The following CACNA1E variants were observed in gnomAD, a reference collection of about 807,000 sequenced individuals.
The protein encoded by CACNA1E is voltage-dependent R-type calcium channel subunit alpha-1E.
Under a neutral mutation model 259.2 loss-of-function variants are expected in CACNA1E, and 40 were observed. The observed-to-expected ratio is 0.15, with a 90% CI of 0.12 to 0.20. CACNA1E has a LOEUF of 0.20. CACNA1E is among the 10% of genes least tolerant of loss of function. CACNA1E has a pLI of 1.00. For missense variants in CACNA1E, 1,874 were observed against 3,040.1 expected, an observed-to-expected ratio of 0.62 and a Z score of 9.02; for synonymous variants, 1,104 against 1,138.5, an observed-to-expected ratio of 0.97 and a Z score of 0.61.
At chr1:181,595,475 A>G (rs1226337022) in intron 6 of CACNA1E, among the ~76,000 whole-genome samples, 1 of 152,158 alleles carries the variant, frequency 6.6e-6, no homozygotes, top group East Asian at 1.9e-4. Flanking sequence ...AGGCTGCCAC[A>G]TCTCTGTCAC....
chr1:181,600,735 G>A (rs1360893311), intron 6 of CACNA1E, among the ~76,000 whole-genome samples: 2 of 152,198 alleles, frequency 1.3e-5, no homozygotes, highest in Admixed American at 6.5e-5. Context: ...CCTAATTGAT[G>A]TCTATGAGAT....
chr1:181,426,406 C>T (rs1659204619), intron 2 of CACNA1E, among the ~76,000 whole-genome samples: 2 of 150,764 alleles, frequency 1.3e-5, no homozygotes, highest in Non-Finnish European at 3.0e-5. Context: ...CCATCTCAGC[C>T]ACTTCACAAC....
At chr1:181,663,036 A>AC (rs1647844739) in intron 7 of CACNA1E, among the ~76,000 whole-genome samples, 1 of 152,064 alleles carries the variant, frequency 6.6e-6, no homozygotes, top group East Asian at 1.9e-4. Context: ...CCAGGTCTAT[A>AC]CCCCCCAATC....
At chr1:181,596,042 T>G (rs539447500) in intron 6 of CACNA1E, among the ~76,000 whole-genome samples, 1 of 152,310 alleles carries the variant, frequency 6.6e-6, no homozygotes, top group Non-Finnish European at 1.5e-5. Context: ...TTATTTAAAC[T>G]GGATCTTGGG....
chr1:181,321,538 G>A (rs923629142), intron 1 of CACNA1E, among the ~76,000 whole-genome samples: 2 of 152,182 alleles, frequency 1.3e-5, no homozygotes, highest in African/African-American at 4.8e-5. Context: ...CTCACTCCTT[G>A]GCTTCCCCAG....
At chr1:181,572,150 C>A (rs1650477092) in intron 3 of CACNA1E, among the ~76,000 whole-genome samples, 1 of 152,046 alleles carries the variant, frequency 6.6e-6, no homozygotes, top group African/African-American at 2.4e-5. Flanking sequence ...AGTGAATGTG[C>A]CTGTGAAAAG....
At chr1:181,473,108 T>C (rs923360647) in intron 2 of CACNA1E, among the ~76,000 whole-genome samples, 2 of 152,242 alleles carry the variant, frequency 1.3e-5, no homozygotes, top group South Asian at 4.1e-4. Context: ...TTTGATTTGC[T>C]GAACACCGCA....
chr1:181,556,794 G>A (rs1648770189), intron 3 of CACNA1E, among the ~76,000 whole-genome samples: 1 of 152,334 alleles, frequency 6.6e-6, no homozygotes, highest in Non-Finnish European at 1.5e-5. Flanking sequence ...TTTCTCAACA[G>A]AGTGAAGATC....
chr1:181,562,414 C>A (rs115740076), intron 3 of CACNA1E, among the ~76,000 whole-genome samples: 128 of 152,178 alleles, frequency 8.4e-4, no homozygotes, highest in African/African-American at 3.0e-3. Flanking sequence ...ATTAAACAGT[C>A]TGTGTTTCTT....
At chr1:181,662,195 G>C (rs904821928) in intron 7 of CACNA1E, among the ~76,000 whole-genome samples, 1 of 152,206 alleles carries the variant, frequency 6.6e-6, no homozygotes, top group East Asian at 1.9e-4. Context: ...ACACTGCTTA[G>C]TGTATCAGTT....
intron 25 of CACNA1E, among the ~76,000 whole-genome samples, chr1:181,742,771 T>G (rs906144289): frequency 7.9e-5 from 12 of 152,196 alleles, no homozygotes; most frequent in Non-Finnish European, 1.5e-4. Context: ...CCATGTATGT[T>G]TTCTACAAGC....
rs1337684341 is a variant in CACNA1E at position 181,483,669 on chromosome 1, T to C, written c.-76T>C. 1.9e-6 allele frequency: 2 copies of C among 1,034,764 alleles called. No individual in the cohort carries two copies. The highest frequency in any genetic ancestry group is 1.8e-5 in the South Asian group (1 of 54,972). The allele number at this position is 1,034,764 out of a possible 1,614,324, so 64.1% of individuals were successfully genotyped here. A position where few individuals can be genotyped will look rare whatever the true frequency, so the allele number is the denominator to read the frequency against. On this transcript the variant is annotated 5_prime_UTR_variant, in exon 1 of 48. Coordinates refer to ENST00000367573, the MANE Select transcript of CACNA1E (RefSeq NM_001205293.3). Reference sequence around the variant, plus strand: ...GGATGCGGCTCTGAGTCTCCGTGTGTCTTTCTGCTTGTTGCTGTGTGCGGG... The same window carrying C: ...GGATGCGGCTCTGAGTCTCCGTGTGCCTTTCTGCTTGTTGCTGTGTGCGGG...
chr1:181,514,954 C>A (rs895761974), intron 3 of CACNA1E, among the ~76,000 whole-genome samples: 1 of 152,138 alleles, frequency 6.6e-6, no homozygotes, highest in South Asian at 2.1e-4. Context: ...ACCTTGCTAG[C>A]CTCATTTTAC....
chr1:181,757,734 CT>C (rs1049861358), intron 30 of CACNA1E, among the ~76,000 whole-genome samples: 3 of 152,124 alleles, frequency 2.0e-5, no homozygotes, highest in Non-Finnish European at 2.9e-5. Context: ...CATGAAGTCC[CT>C]ACTCCATGTG....
chr1:181,747,154 G>GATTCCT (rs3084168), intron 25 of CACNA1E, among the ~76,000 whole-genome samples: 59,969 of 151,660 alleles, frequency 0.4, 12,387 homozygotes, highest in Non-Finnish European at 0.46. Context: ...TGAGGCAAGA[G>GATTCCT]ATTCCTTCAG....
At chr1:181,344,398 G>A (rs1557929031) in intron 1 of CACNA1E, among the ~76,000 whole-genome samples, 1 of 152,208 alleles carries the variant, frequency 6.6e-6, no homozygotes, top group East Asian at 1.9e-4. Flanking sequence ...AAAGGCTAAG[G>A]CAAACCCTTG....
chr1:181,501,916 A>T (rs534293768), intron 1 of CACNA1E, among the ~76,000 whole-genome samples: 1 of 152,248 alleles, frequency 6.6e-6, no homozygotes, highest in East Asian at 1.9e-4. Context: ...GTTTTGTTTT[A>T]AAAAAAGAAA....
chr1:181,346,473 T>G (rs549009106), intron 1 of CACNA1E, among the ~76,000 whole-genome samples: 2 of 152,194 alleles, frequency 1.3e-5, no homozygotes, highest in African/African-American at 4.8e-5. Flanking sequence ...AGGCCATCAG[T>G]GGACGCAGCC....
intron 3 of CACNA1E, among the ~76,000 whole-genome samples, chr1:181,519,267 GA>G (rs1309088032): frequency 6.6e-6 from 1 of 152,228 alleles, no homozygotes; most frequent in Non-Finnish European, 1.5e-5. Flanking sequence ...TTTGGGTAGA[GA>G]TTTGTGCACT....
Sources: allele counts gnomAD v4.1 joint callset (sites outside exome capture counted in the v4.1 genomes callset), GRCh38; gene constraint gnomAD v4.1.1; transcripts MANE v1.5; gene names NCBI Gene and HGNC (gene_info 2026-07-23, HGNC 2026-07-21).